Variants in KBTBD2 observed in about 807,000 individuals in gnomAD.
KBTBD2 encodes kelch repeat and BTB domain containing 2.
In KBTBD2, 17 loss-of-function variants were observed where a neutral mutation model predicts 57.1. The ratio of observed to expected loss-of-function variants is 0.30; its 90% confidence interval spans 0.20 to 0.45. The LOEUF is 0.45. Ranked by LOEUF, KBTBD2 falls within the 20% of genes least tolerant of loss-of-function variation. KBTBD2 has a pLI of 1.00. For synonymous variants in KBTBD2, 267 were observed against 262.7 expected (o/e 1.02, Z -0.16); for missense variants, 515 against 750.6 (o/e 0.69, Z 3.67).
Position 32,879,372 on chromosome 7 carries a change from G to A in KBTBD2, c.170+63C>T, listed in dbSNP as rs555061868. On this transcript the variant is annotated intron_variant, in intron 2 of 3. Coordinates refer to ENST00000304056, the MANE Select transcript of KBTBD2 (RefSeq NM_015483.3). ...AACTTAAAAACAAAAATTGAGATGTGGCTTTTTAAAAAATTAAATAACATT... is the reference window on the plus strand; with the variant it reads ...AACTTAAAAACAAAAATTGAGATGTAGCTTTTTAAAAAATTAAATAACATT... The A allele has an allele frequency of 1.9e-5, 24 of 1,273,136 alleles. No individual in the cohort carries two copies. The South Asian group carries it at 3.4e-4, about 18-fold the overall frequency. The allele number at this position is 1,273,136 out of a possible 1,614,324, so 78.9% of individuals were successfully genotyped here. A position where few individuals can be genotyped will look rare whatever the true frequency, so the allele number is the denominator to read the frequency against.
intron 1 of KBTBD2, among the ~76,000 whole-genome samples, chr7:32,889,894 G>C (rs1784686518): frequency 6.6e-6 from 1 of 152,114 alleles, no homozygotes. Context: ...AATTCACCTT[G>C]CACATTCAAT....
intron 2 of KBTBD2, 78 bp downstream of exon 2, chr7:32,879,357 C>T (rs537056054): frequency 1.8e-6 from 2 of 1,137,660 alleles, no homozygotes; most frequent in South Asian, 3.2e-5. Context: ...AACTTAAAAA[C>T]AAAAATTGAG....
At chr7:32,874,257 G>A (rs1383544443) in intron 3 of KBTBD2, among the ~76,000 whole-genome samples, 6 of 151,772 alleles carry the variant, frequency 4.0e-5, no homozygotes, top group African/African-American at 1.2e-4. Flanking sequence ...AAAATTAGCC[G>A]GGGGTGGTGG....
intron 1 of KBTBD2, among the ~76,000 whole-genome samples, chr7:32,880,738 G>C (rs759988949): frequency 6.6e-5 from 10 of 152,100 alleles, no homozygotes; most frequent in Non-Finnish European, 1.2e-4. Flanking sequence ...AGAAGGGCAA[G>C]TTTTTAATGA....
At chr7:32,890,466 C>A (rs2127959394) in intron 1 of KBTBD2, among the ~76,000 whole-genome samples, 1 of 152,320 alleles carries the variant, frequency 6.6e-6, no homozygotes, top group South Asian at 2.1e-4. Context: ...AAGACCCATA[C>A]TACTCAAATT....
chr7:32,888,604 C>T (rs1784642182), intron 1 of KBTBD2, among the ~76,000 whole-genome samples: 1 of 151,070 alleles, frequency 6.6e-6, no homozygotes, highest in South Asian at 2.1e-4. Context: ...TTTGAAGAAT[C>T]TATCAAGTTT....
intron 1 of KBTBD2, among the ~76,000 whole-genome samples, chr7:32,887,961 A>C (rs1312428902): frequency 6.6e-6 from 1 of 152,226 alleles, no homozygotes; most frequent in Non-Finnish European, 1.5e-5. Flanking sequence ...ATTCGAAATT[A>C]TTTTTATTAA....
chr7:32,870,656 A>G lies in KBTBD2; in HGVS notation c.561T>C (p.Asn187=). 1 of 1,614,048 alleles carries G rather than the reference A, an allele frequency of 6.2e-7. No homozygotes were observed. The highest frequency in any genetic ancestry group is 8.5e-7 in the Non-Finnish European group (1 of 1,179,986). ...CTCGAACGGTTTCTTCCTTTTCTAC[A>G]TTTAAATTGTCACTACTGAGAATAT... is the stretch of plus-strand genomic sequence containing the variant. ...LIDILSSDNL[N]VEKEETVREA... is the part of the protein sequence containing the mutation. The change falls in exon 4 of 4, where the codon AAT becomes AAC. Residue 187 remains asparagine (N), a synonymous_variant. Coordinates refer to ENST00000304056, the MANE Select transcript of KBTBD2 (RefSeq NM_015483.3).
In KBTBD2 at chr7:32,870,814, G is replaced by A. The variant is rs984752486; in HGVS notation, c.403C>T (p.Arg135Ter). The A allele has an allele frequency of 1.9e-6, 3 of 1,609,948 alleles. No individual in the cohort carries two copies. The highest frequency in any genetic ancestry group is 1.1e-5 in the South Asian group (1 of 90,192). Residue 135 changes from arginine (R) to a stop codon, truncating the protein, a stop_gained, in exon 4 of 4, where the codon CGA becomes TGA. Transcript: ENST00000304056. LOFTEE classifies it high-confidence loss of function. Reference protein sequence around the residue: ...IKKINAENCVRLLSFADLFSC... With the variant: ...IKKINAENCV ...AAGAGATCAGCAAAACTCAACAATC[G>A]TACACAATTCTCTGCATTTATTTTT...
chr7:32,879,985 G>A (rs908649447), intron 1 of KBTBD2, 43 bp from the exon 2 acceptor site: 15 of 161,450 alleles, frequency 9.3e-5, no homozygotes, highest in Non-Finnish European at 1.7e-4. Context: ...AGGCCAGTAC[G>A]GTTTTAGAAT....
chr7:32,879,457 C>T lies in KBTBD2; in HGVS notation c.148G>A (p.Ala50Thr). 1 of 1,611,632 alleles carries T rather than the reference C, an allele frequency of 6.2e-7. No homozygotes were observed. The highest frequency in any genetic ancestry group is 8.5e-7 in the Non-Finnish European group (1 of 1,178,166). ...TACCTGAAATAAGAGCTACATGTTG[C>T]AAGAACCATCTTATGACAAGGGAAT... ...TEFPCHKMVL[A>T]TCSSYFRAMF... The change falls in exon 2 of 4, where the codon GCA becomes ACA. Residue 50 changes from alanine to threonine, a missense_variant. Transcript: ENST00000304056.
chr7:32,886,265 A>G (rs1784579597), intron 1 of KBTBD2, among the ~76,000 whole-genome samples: 1 of 152,130 alleles, frequency 6.6e-6, no homozygotes, highest in Non-Finnish European at 1.5e-5. Context: ...TTATTTTTAA[A>G]TCCGAAGACT....
intron 3 of KBTBD2, among the ~76,000 whole-genome samples, chr7:32,872,692 C>G (rs1420807752): frequency 6.6e-6 from 1 of 152,068 alleles, no homozygotes; most frequent in Non-Finnish European, 1.5e-5. Context: ...GTTGAGTATC[C>G]CTAATTCAAA....
chr7:32,886,814 TAA>T (rs752540567), intron 1 of KBTBD2, among the ~76,000 whole-genome samples: 6 of 152,186 alleles, frequency 3.9e-5, no homozygotes, highest in Non-Finnish European at 7.3e-5. Flanking sequence ...CATAAAGAGA[TAA>T]GTGACCATGA....
intron 1 of KBTBD2, among the ~76,000 whole-genome samples, chr7:32,888,207 ATTTTTCCTTTT>A (rs933856736): frequency 1.3e-5 from 2 of 152,068 alleles, no homozygotes; most frequent in African/African-American, 4.8e-5. Context: ...TATTAAGATA[ATTTTTCCTTTT>A]TTTTTCCTTT....
chr7:32,881,497 A>G lies in KBTBD2; in HGVS notation c.-338-1555T>C, dbSNP rs112725345. Among the ~76,000 whole-genome samples the G allele has an allele frequency of 4.5e-3, 688 of 152,320 alleles. 4 individuals carry two copies. The highest frequency in any genetic ancestry group is 0.016 in the African/African-American group (656 of 41,554). ...TATTTTTCCTCACAAAATACCATCC[A>G]TTATGTCAAAGAGAATGACATACAC... On this transcript the variant is annotated intron_variant, in intron 1 of 3. Transcript: ENST00000304056.
At chr7:32,881,924 C>T (rs1784453788) in intron 1 of KBTBD2, among the ~76,000 whole-genome samples, 1 of 152,148 alleles carries the variant, frequency 6.6e-6, no homozygotes, top group Non-Finnish European at 1.5e-5. Flanking sequence ...GACACATGTA[C>T]CCTACATTAT....
chr7:32,881,181 T>C (rs548213053), intron 1 of KBTBD2, among the ~76,000 whole-genome samples: 10 of 150,392 alleles, frequency 6.6e-5, no homozygotes, highest in Admixed American at 6.6e-4. Flanking sequence ...TTTCAACAAA[T>C]AATGTTGGAA....
At chr7:32,876,747 G>A (rs1031274310) in intron 2 of KBTBD2, among the ~76,000 whole-genome samples, 1 of 152,116 alleles carries the variant, frequency 6.6e-6, no homozygotes, top group African/African-American at 2.4e-5. Flanking sequence ...TCTTAGGCCA[G>A]GAGCTCGACA....
Sources: gnomAD v4.1 joint callset for allele counts (sites outside exome capture counted in the v4.1 genomes callset) on GRCh38, gnomAD v4.1.1 for gene constraint, MANE v1.5 for transcripts, NCBI Gene and HGNC (gene_info 2026-07-23, HGNC 2026-07-21) for gene names.